The following BTBD3 variants were observed in gnomAD, a reference collection of about 807,000 sequenced individuals.
BTBD3 encodes BTB domain containing 3.
A neutral mutation model predicts 41.6 loss-of-function variants in BTBD3; 14 were observed. That is an observed-to-expected ratio of 0.34 (90% CI 0.22 to 0.53). The LOEUF (loss-of-function observed/expected upper bound fraction) is 0.53, where lower values mean the gene tolerates loss of function less well. BTBD3 is among the 20% of genes least tolerant of loss of function. The probability of loss-of-function intolerance (pLI) is 0.95; values close to 1 mark genes in which losing one functional copy is unlikely to be tolerated. For missense variants in BTBD3, 426 were observed against 654.7 expected (o/e 0.65, Z 3.81); for synonymous variants, 249 against 233.7 (o/e 1.07, Z -0.60).
Position 11,918,071 on chromosome 20 carries a change from A to G in BTBD3, c.-205A>G. On this transcript the variant is annotated 5_prime_UTR_variant, in exon 1 of 4. Transcript: ENST00000378226. ...AAGAGAAACAGGAATCATGATGGGG[A>G]TATATTTAACAGACCCAGTACTGGA... 3 of 1,326,758 alleles carry G rather than the reference A, an allele frequency of 2.3e-6. No homozygotes were observed. The highest frequency in any genetic ancestry group is 2.9e-6 in the Non-Finnish European group (3 of 1,044,738). 82.2% of individuals were successfully genotyped at this position (1,326,758 alleles called of 1,614,324 possible). A position where few individuals can be genotyped will look rare whatever the true frequency, so the allele number is the denominator to read the frequency against.
At chr20:11,901,864 C>T (rs1321853531) in intron 1 of BTBD3, among the ~76,000 whole-genome samples, 1 of 152,120 alleles carries the variant, frequency 6.6e-6, no homozygotes, top group Admixed American at 6.6e-5. Context: ...TACAGTGTTT[C>T]TATAGTATTA....
upstream of BTBD3, among the ~76,000 whole-genome samples, chr20:11,913,954 G>A (rs1257806208): frequency 6.6e-6 from 1 of 152,138 alleles, no homozygotes; most frequent in Admixed American, 6.6e-5. Context: ...TTTAAGTTTG[G>A]TTTCTAGTCT....
At chr20:11,922,239 C>G (rs975019881) in intron 3 of BTBD3, among the ~76,000 whole-genome samples, 3 of 152,070 alleles carry the variant, frequency 2.0e-5, no homozygotes, top group Non-Finnish European at 2.9e-5. Context: ...AATAATTGCT[C>G]TTAAAACATA....
intron 1 of BTBD3, among the ~76,000 whole-genome samples, chr20:11,907,250 G>A (rs1223070695): frequency 6.6e-6 from 1 of 152,204 alleles, no homozygotes; most frequent in Non-Finnish European, 1.5e-5. Flanking sequence ...TGGATTAGCT[G>A]TGAGATTAAT....
chr20:11,893,693 A>T (rs2056769780), intron 1 of BTBD3, among the ~76,000 whole-genome samples: 1 of 152,220 alleles, frequency 6.6e-6, no homozygotes, highest in African/African-American at 2.4e-5. Flanking sequence ...ATTAAATAAA[A>T]AAATATTTCC....
intron 1 of BTBD3, among the ~76,000 whole-genome samples, chr20:11,912,071 G>A (rs1463584452): frequency 6.6e-6 from 1 of 152,126 alleles, no homozygotes; most frequent in Non-Finnish European, 1.5e-5. Context: ...GTTAACTGGA[G>A]CTCTGTGTGG....
chr20:11,910,589 A>G (rs1018342645), intron 1 of BTBD3: 4 of 152,166 alleles, frequency 2.6e-5, no homozygotes, highest in African/African-American at 9.7e-5. Flanking sequence ...TTTAATATGG[A>G]TTCTATTTGT....
chr20:11,919,878 G>A (rs762793985), intron 3 of BTBD3, 42 bp downstream of exon 3: 2 of 1,519,662 alleles, frequency 1.3e-6, no homozygotes, highest in Middle Eastern at 1.7e-4. Flanking sequence ...TGTTTATGCT[G>A]TATTTGTACC....
intron 1 of BTBD3, among the ~76,000 whole-genome samples, chr20:11,897,755 T>C (rs1455475513): frequency 6.6e-6 from 1 of 152,214 alleles, no homozygotes. Flanking sequence ...TTCCATCTGC[T>C]TAACATCAGA....
In BTBD3 at chr20:11,925,925, T is replaced by C. The variant is rs2057015446; in HGVS notation, c.*2259T>C. 1 of 152,368 alleles carries C rather than the reference T, an allele frequency of 6.6e-6. No homozygotes were observed. Among genetic ancestry groups the C allele is most frequent in the African/African-American group, 2.4e-5 (1 of 41,458 alleles). 9.4% of individuals were successfully genotyped at this position (152,368 alleles called of 1,614,324 possible). A position where few individuals can be genotyped will look rare whatever the true frequency, so the allele number is the denominator to read the frequency against. On this transcript the variant is annotated 3_prime_UTR_variant, in exon 4 of 4. Coordinates refer to ENST00000378226, the MANE Select transcript of BTBD3 (RefSeq NM_014962.4). ...TAGAATAATGTAATTTTATGTTAAT[T>C]GTTATTACTTTAAAACATATCTACC...
At chr20:11,906,254 C>CTTTTTTTTT (rs3071747) in intron 1 of BTBD3, among the ~76,000 whole-genome samples, 1,988 of 36,206 alleles carry the variant, frequency 0.055, 534 homozygotes, top group Middle Eastern at 0.077. Flanking sequence ...ATTATTACTC[C>CTTTTTTTTT]TTTTTTTTTT....
At position 11,890,896 on chromosome 20, in the gene BTBD3, C is replaced by T. The variant is rs536023485; in HGVS notation, c.-184C>T. 3.6e-4 allele frequency: 358 copies of T among 984,902 alleles called. No individual in the cohort carries two copies. The African/African-American group carries it at 5.0e-3, about 14-fold the overall frequency. The allele number at this position is 984,902 out of a possible 1,614,324, so 61.0% of individuals were successfully genotyped here. On this transcript the variant is annotated 5_prime_UTR_variant, in exon 1 of 5. Coordinates refer to the BTBD3 transcript ENST00000254977. The stretch of plus-strand genomic sequence containing the variant: ...AGTGCCCCGGCCGGGGCCTGAGGAG[C>T]GGGCACAGGGCAAGGCGGCGGACGG...
chr20:11,924,588 C>T lies in BTBD3; in HGVS notation c.*922C>T, dbSNP rs1392665466. 1 of 152,628 alleles carries T rather than the reference C, an allele frequency of 6.6e-6. No homozygotes were observed. Among genetic ancestry groups the T allele is most frequent in the Non-Finnish European group, 1.5e-5 (1 of 68,024 alleles). The allele number at this position is 152,628 out of a possible 1,614,324, so 9.5% of individuals were successfully genotyped here. On this transcript the variant is annotated 3_prime_UTR_variant, in exon 4 of 4. Transcript: ENST00000378226. ...TGTTTGCTTATTTGTATAAGTCATA[C>T]TGTGTAGAATTTCTATTTTCTTTTT... is the stretch of plus-strand genomic sequence containing the variant.
intron 1 of BTBD3, among the ~76,000 whole-genome samples, chr20:11,899,430 T>C (rs2056810412): frequency 6.6e-6 from 1 of 152,186 alleles, no homozygotes; most frequent in Admixed American, 6.5e-5. Flanking sequence ...TTATGCCCCC[T>C]CTAGTCGTCA....
intron 1 of BTBD3, chr20:11,891,103 GACCC>G (rs2056749052): frequency 2.2e-6 from 1 of 461,792 alleles, no homozygotes; most frequent in South Asian, 9.0e-5. Flanking sequence ...GTCGGCCTCG[GACCC>G]ACGGGACCAG....
At chr20:11,916,095 T>A (rs2056916320), upstream of BTBD3, among the ~76,000 whole-genome samples, 1 of 152,210 alleles carries the variant, frequency 6.6e-6, no homozygotes, top group African/African-American at 2.4e-5. Context: ...TAAAAGCAGC[T>A]GGTTTCCCTT....
intron 1 of BTBD3, among the ~76,000 whole-genome samples, chr20:11,904,498 C>T (rs1301101996): frequency 6.6e-6 from 1 of 152,118 alleles, no homozygotes; most frequent in Non-Finnish European, 1.5e-5. Context: ...TAGAGGCTTA[C>T]AATTACGCTT....
Position 11,922,695 on chromosome 20 carries a change from G to T in BTBD3, c.598G>T (p.Ala200Ser), listed in dbSNP as rs761716128. The change falls in exon 4 of 4, where the codon GCC (alanine) becomes TCC (serine). Residue 200 changes from alanine to serine, a missense_variant. Ala to Ser is a moderately conservative substitution (Grantham distance 99). Around this residue, in one of 3 missense-constraint regions of BTBD3, gnomAD observed 321 missense variants for 534.8 expected, o/e 0.60. Coordinates refer to ENST00000378226, the MANE Select transcript of BTBD3 (RefSeq NM_014962.4). ...ADTVLATLYA[A>S]KKYIVPHLAR... ...CACAGTGCTGGCCACACTTTATGCT[G>T]CCAAAAAGTACATTGTCCCTCACCT... 8.7e-6 allele frequency: 14 copies of T among 1,614,176 alleles called. No homozygotes were observed. The South Asian group carries it at 1.5e-4, about 18-fold the overall frequency.
chr20:11,901,910 GA>G (rs1466295740), intron 1 of BTBD3, among the ~76,000 whole-genome samples: 1 of 152,168 alleles, frequency 6.6e-6, no homozygotes, highest in East Asian at 1.9e-4. Flanking sequence ...GTGAGGATCA[GA>G]ATCCTACTAA....
Sources: allele counts gnomAD v4.1 joint callset (sites outside exome capture counted in the v4.1 genomes callset), GRCh38; gene constraint gnomAD v4.1.1; regional missense constraint gnomAD v4.1.1; transcripts MANE v1.5; gene names NCBI Gene and HGNC (gene_info 2026-07-23, HGNC 2026-07-21).